Variants in SLC20A2 observed in about 807,000 individuals in gnomAD.
The protein encoded by SLC20A2 is solute carrier family 20 member 2.
A neutral mutation model predicts 61.0 loss-of-function variants in SLC20A2; 30 were observed. That is an observed-to-expected ratio of 0.49 (90% CI 0.37 to 0.67). SLC20A2 has a LOEUF of 0.67. Ranked by LOEUF, SLC20A2 falls within the 30% of genes least tolerant of loss-of-function variation. SLC20A2 has a pLI of 0.00. For missense variants in SLC20A2, 626 were observed against 866.4 expected, an observed-to-expected ratio of 0.72 and a Z score of 3.48; for synonymous variants, 351 against 353.3, an observed-to-expected ratio of 0.99 and a Z score of 0.07.
In SLC20A2 at chr8:42,463,092, T is replaced by A; in HGVS notation, c.431-2A>T. 1 of 1,556,262 alleles carries A rather than the reference T, an allele frequency of 6.4e-7. No homozygotes were observed. The highest frequency in any genetic ancestry group is 8.8e-7 in the Non-Finnish European group (1 of 1,142,570). On this transcript the variant is annotated splice_acceptor_variant, in intron 3 of 10. Coordinates refer to ENST00000520262, the MANE Select transcript of SLC20A2 (RefSeq NM_001257180.2). LOFTEE classifies it high-confidence loss of function. ...GTGGAGATATAAACCAAGAAGCAAC[T>A]GAATAATTAAAAAAAAAATCTAATG...
chr8:42,526,546 A>G (rs575385221), intron 1 of SLC20A2, among the ~76,000 whole-genome samples: 45 of 151,680 alleles, frequency 3.0e-4, no homozygotes, highest in Middle Eastern at 3.4e-3. Flanking sequence ...GGTGGTGGGC[A>G]CCTGTAGTCT....
intron 1 of SLC20A2, among the ~76,000 whole-genome samples, chr8:42,540,330 T>C (rs1329961263): frequency 1.3e-5 from 2 of 152,146 alleles, no homozygotes; most frequent in Non-Finnish European, 2.9e-5. Context: ...ACGTTTCACA[T>C]TTGGACACAC....
chr8:42,420,408 T>C (rs1802960889), intron 10 of SLC20A2, among the ~76,000 whole-genome samples: 1 of 152,224 alleles, frequency 6.6e-6, no homozygotes, highest in African/African-American at 2.4e-5. Context: ...ATCCTTGGCT[T>C]GAATATTTGA....
At chr8:42,452,142 T>TG (rs1805758699) in intron 5 of SLC20A2, among the ~76,000 whole-genome samples, 1 of 88,074 alleles carries the variant, frequency 1.1e-5, no homozygotes, top group Non-Finnish European at 2.1e-5. Flanking sequence ...GAGGAAGAGA[T>TG]GAAGAGGAGG....
intron 4 of SLC20A2, among the ~76,000 whole-genome samples, chr8:42,461,374 A>G (rs1806685378): frequency 6.6e-6 from 1 of 151,904 alleles, no homozygotes; most frequent in African/African-American, 2.4e-5. Flanking sequence ...CTAAAGAGAG[A>G]TTCCCAACCA....
chr8:42,435,215 G>A lies in SLC20A2; in HGVS notation c.1523+1774C>T, dbSNP rs138569430. ...CCATATGATGCTGAGCAGAACATAA[G>A]ATGCCCAGGTTCATCTGCAGCGAGA... On this transcript the variant is annotated intron_variant, in intron 8 of 10. Coordinates refer to ENST00000520262, the MANE Select transcript of SLC20A2 (RefSeq NM_001257180.2). Among the ~76,000 whole-genome samples, 72 of 152,326 alleles carry A rather than the reference G, an allele frequency of 4.7e-4. 1 individual carries two copies. The highest frequency in any genetic ancestry group is 3.4e-3 in the Middle Eastern group (1 of 294).
chr8:42,497,426 G>A (rs1810007066), intron 1 of SLC20A2, among the ~76,000 whole-genome samples: 1 of 152,054 alleles, frequency 6.6e-6, no homozygotes, highest in African/African-American at 2.4e-5. Flanking sequence ...GCAGGGCCTG[G>A]GTGGGGCCTG....
At chr8:42,465,654 G>GCACT (rs1418287808) in intron 3 of SLC20A2, 123 bp downstream of exon 3, 8 of 927,036 alleles carry the variant, frequency 8.6e-6, no homozygotes, top group Non-Finnish European at 1.2e-5. Context: ...TTGCACCACT[G>GCACT]CACTCCAGCC....
At chr8:42,458,974 T>C (rs1586097842) in intron 5 of SLC20A2, among the ~76,000 whole-genome samples, 1 of 93,226 alleles carries the variant, frequency 1.1e-5, no homozygotes, top group African/African-American at 4.3e-5. Context: ...TGAACCTTTA[T>C]ACAAAAGAAC....
At chr8:42,436,871 T>C (rs960559618) in intron 8 of SLC20A2, 118 bp downstream of exon 8, 15 of 908,558 alleles carry the variant, frequency 1.7e-5, no homozygotes, top group African/African-American at 1.7e-5. Flanking sequence ...TGCGCACCCC[T>C]ATCCCTGGCA....
intron 1 of SLC20A2, among the ~76,000 whole-genome samples, chr8:42,481,856 T>G (rs1808577788): frequency 6.6e-6 from 1 of 152,154 alleles, no homozygotes; most frequent in Non-Finnish European, 1.5e-5. Flanking sequence ...CCTTTTTCCT[T>G]CCAGGTCTCA....
chr8:42,471,602 G>A (rs1036237968), intron 2 of SLC20A2, among the ~76,000 whole-genome samples: 7 of 152,120 alleles, frequency 4.6e-5, no homozygotes, highest in African/African-American at 1.7e-4. Flanking sequence ...GATTTATTTG[G>A]TAACTTCTTT....
chr8:42,489,287 G>A (rs1273223652), intron 1 of SLC20A2, among the ~76,000 whole-genome samples: 1 of 151,914 alleles, frequency 6.6e-6, no homozygotes, highest in Non-Finnish European at 1.5e-5. Context: ...AATATTCTCT[G>A]TTTGATGAGT....
At chr8:42,461,064 A>G (rs190464035) in intron 4 of SLC20A2, among the ~76,000 whole-genome samples, 3 of 152,346 alleles carry the variant, frequency 2.0e-5, no homozygotes. Context: ...GGAATGTCTC[A>G]AGGAGCCAAG....
chr8:42,515,529 A>G (rs1253403847), intron 1 of SLC20A2, among the ~76,000 whole-genome samples: 1 of 152,136 alleles, frequency 6.6e-6, no homozygotes, highest in Admixed American at 6.6e-5. Flanking sequence ...CACAATGGCA[A>G]AAGTCTATCA....
rs1184217786 is a variant in SLC20A2 at position 42,438,082 on chromosome 8, A to C, written c.935-505T>G. ...AAAAACCAAAAAAAAAAAAAAAAAA[A>C]AAAAAAACATGGAAACATACAACAA... On this transcript the variant is annotated intron_variant, in intron 7 of 10. Coordinates refer to ENST00000520262, the MANE Select transcript of SLC20A2 (RefSeq NM_001257180.2). Among the ~76,000 whole-genome samples, 11 of 150,120 alleles carry C rather than the reference A, an allele frequency of 7.3e-5. No homozygotes were observed. In the East Asian group the frequency reaches 7.7e-4, roughly 11 times the overall value.
upstream of SLC20A2, chr8:42,502,757 T>C (rs749360712): frequency 2.0e-5 from 3 of 152,230 alleles, no homozygotes; most frequent in Non-Finnish European, 4.4e-5. Flanking sequence ...AGGAGAGAAG[T>C]CAGCACTCAT....
At position 42,437,006 on chromosome 8, in the gene SLC20A2, G is replaced by A. The variant is rs1474069766; in HGVS notation, c.1506C>T (p.His502=). The change falls in exon 8 of 11, where the codon CAC becomes CAT. Residue 502 remains histidine, a synonymous_variant. Transcript: ENST00000520262. The surrounding 1 kb of genome is among the most constrained non-coding windows in gnomAD (Gnocchi z 6.4). The part of the protein sequence containing the change: ...VLTACFGSFA[H]GGNDVSNAIG... ...GCACCCACCTCACGTCATTGCCGCC[G>A]TGAGCAAAGGACCCGAAACAGGCGG... 8 of 1,606,810 alleles carry A rather than the reference G, an allele frequency of 5.0e-6. No individual in the cohort carries two copies. Among genetic ancestry groups the A allele is most frequent in the Non-Finnish European group, 6.8e-6 (8 of 1,176,212 alleles).
chr8:42,538,517 C>T (rs1812852986), intron 1 of SLC20A2, among the ~76,000 whole-genome samples: 1 of 152,090 alleles, frequency 6.6e-6, no homozygotes, highest in Non-Finnish European at 1.5e-5. Flanking sequence ...CACCTAAAAG[C>T]AGGTGGGATC....
Sources: gnomAD v4.1 joint callset for allele counts (sites outside exome capture counted in the v4.1 genomes callset) on GRCh38, gnomAD v4.1.1 for gene constraint, Gnocchi (gnomAD v3.1) non-coding constraint, MANE v1.5 for transcripts, NCBI Gene and HGNC (gene_info 2026-07-23, HGNC 2026-07-21) for gene names.